Variants in DYRK1A observed in about 807,000 individuals in gnomAD.
The protein encoded by DYRK1A is dual specificity tyrosine phosphorylation regulated kinase 1A.
Under a neutral mutation model 79.7 loss-of-function variants are expected in DYRK1A, and 9 were observed. The observed-to-expected ratio is 0.11, with a 90% CI of 0.07 to 0.20. DYRK1A has a LOEUF of 0.20. DYRK1A is among the 10% of genes least tolerant of loss of function. DYRK1A has a pLI of 1.00. For synonymous variants in DYRK1A, 349 were observed against 329.7 expected (o/e 1.06, Z -0.63); for missense variants, 622 against 956.0 (o/e 0.65, Z 4.61).
rs531167247 is a variant in DYRK1A at position 37,493,195 on chromosome 21, T to G, written c.1071+32T>G. 4 of 1,559,232 alleles carry G rather than the reference T, an allele frequency of 2.6e-6. No individual in the cohort carries two copies. In the South Asian group the frequency reaches 4.7e-5, roughly 18 times the overall value. ...GATGTATTGCTTTACAAATTCTGTTTTCATAATTTCTTTTTGTCTTTCATC... is the reference window on the plus strand; with the variant it reads ...GATGTATTGCTTTACAAATTCTGTTGTCATAATTTCTTTTTGTCTTTCATC... On this transcript the variant is annotated intron_variant, in intron 8 of 11. Transcript: ENST00000647188.
intron 2 of DYRK1A, among the ~76,000 whole-genome samples, chr21:37,427,428 T>C (rs1022704637): frequency 2.1e-4 from 32 of 152,254 alleles, no homozygotes; most frequent in African/African-American, 7.7e-4. Flanking sequence ...TGGCCTTTAG[T>C]CACTTTTTAG....
intron 6 of DYRK1A, chr21:37,488,554 C>A (rs2148606942): frequency 1.0e-6 from 1 of 984,164 alleles, no homozygotes; most frequent in East Asian, 1.1e-4. Flanking sequence ...AAGTCTTCAA[C>A]AAAGTCTTGC....
intron 3 of DYRK1A, among the ~76,000 whole-genome samples, chr21:37,473,541 T>G (rs1458197913): frequency 1.3e-5 from 2 of 152,194 alleles, no homozygotes; most frequent in Admixed American, 6.5e-5. Context: ...GCTGTAGTTG[T>G]GTGAAAGTTT....
intron 2 of DYRK1A, among the ~76,000 whole-genome samples, chr21:37,443,143 G>A (rs2051159288): frequency 6.6e-6 from 1 of 152,002 alleles, no homozygotes; most frequent in Admixed American, 6.6e-5. Flanking sequence ...GGTAGGAGAT[G>A]TCTTTTTTTT....
At chr21:37,489,818 TA>T (rs1412089051) in intron 6 of DYRK1A, among the ~76,000 whole-genome samples, 2 of 152,112 alleles carry the variant, frequency 1.3e-5, no homozygotes, top group Non-Finnish European at 2.9e-5. Flanking sequence ...TCTCGGGAAG[TA>T]AAAAGTGCTT....
chr21:37,517,514 C>A lies in DYRK1A; in HGVS notation c.*4983C>A, dbSNP rs2053893305. Reference sequence around the variant, plus strand: ...TTCCATTATATACTCATTCATTAGTCAGTGTACTTGCCCCTGAATTCCATA... The same window carrying A: ...TTCCATTATATACTCATTCATTAGTAAGTGTACTTGCCCCTGAATTCCATA... On this transcript the variant is annotated 3_prime_UTR_variant, in exon 12 of 12. Coordinates refer to ENST00000647188, the MANE Select transcript of DYRK1A (RefSeq NM_001347721.2). The A allele has an allele frequency of 6.6e-6, 1 of 152,194 alleles. No individual in the cohort carries two copies. The highest frequency in any genetic ancestry group is 2.1e-4 in the South Asian group (1 of 4,820). The allele number at this position is 152,194 out of a possible 1,614,324, so 9.4% of individuals were successfully genotyped here.
At chr21:37,439,632 C>T (rs996242128) in intron 2 of DYRK1A, among the ~76,000 whole-genome samples, 4 of 152,108 alleles carry the variant, frequency 2.6e-5, no homozygotes, top group Admixed American at 6.6e-5. Flanking sequence ...GAGTCTAATG[C>T]CTGATGATCT....
chr21:37,402,725 CT>C (rs200457705), intron 1 of DYRK1A, among the ~76,000 whole-genome samples: 5,411 of 151,616 alleles, frequency 0.036, 146 homozygotes, highest in Middle Eastern at 0.054. Context: ...TCTTTTTTCT[CT>C]CTCTTCTTTA....
At chr21:37,423,495 C>G (rs552271848) in intron 2 of DYRK1A, among the ~76,000 whole-genome samples, 19 of 152,078 alleles carry the variant, frequency 1.2e-4, no homozygotes, top group Non-Finnish European at 2.5e-4. Context: ...TCAGAGATTA[C>G]CATGTATATG....
At chr21:37,427,869 G>A (rs1451951668) in intron 2 of DYRK1A, among the ~76,000 whole-genome samples, 1 of 151,756 alleles carries the variant, frequency 6.6e-6, no homozygotes, top group Non-Finnish European at 1.5e-5. Flanking sequence ...GTTTTTTGGG[G>A]GGTTTGTTAC....
intron 1 of DYRK1A, among the ~76,000 whole-genome samples, chr21:37,379,562 A>C (rs2835708): frequency 0.19 from 28,563 of 152,184 alleles, 2,952 homozygotes; most frequent in South Asian, 0.37. Flanking sequence ...ATTGTAGTTC[A>C]GACCTTACAT....
chr21:37,374,711 C>G (rs1375782472), intron 1 of DYRK1A, among the ~76,000 whole-genome samples: 1 of 152,076 alleles, frequency 6.6e-6, no homozygotes, highest in African/African-American at 2.4e-5. Context: ...TGTCACCACG[C>G]CTGGCTAATT....
intron 3 of DYRK1A, 61 bp from the exon 4 acceptor site, chr21:37,478,147 T>C (rs201425594): frequency 1.6e-5 from 25 of 1,605,386 alleles, no homozygotes; most frequent in Non-Finnish European, 2.0e-5. Context: ...TTATATCTTA[T>C]AGTTAAAGTG....
chr21:37,365,852 G>A (rs753259335), upstream of DYRK1A: 4 of 152,482 alleles, frequency 2.6e-5, no homozygotes, highest in East Asian at 1.9e-4. Flanking sequence ...GAGGTTGGAA[G>A]CAGATGGGCA....
chr21:37,406,721 TTATATC>T (rs1347620984), intron 1 of DYRK1A, among the ~76,000 whole-genome samples: 4 of 129,570 alleles, frequency 3.1e-5, no homozygotes, highest in South Asian at 2.4e-4. Flanking sequence ...AAAAAAAAAA[TTATATC>T]TATGTATATC....
At chr21:37,466,038 C>G (rs2148539368) in intron 2 of DYRK1A, among the ~76,000 whole-genome samples, 1 of 152,280 alleles carries the variant, frequency 6.6e-6, no homozygotes, top group African/African-American at 2.4e-5. Flanking sequence ...ATAATTCACT[C>G]AATCTAGATT....
chr21:37,373,354 G>A (rs1368907600), intron 1 of DYRK1A, among the ~76,000 whole-genome samples: 2 of 152,206 alleles, frequency 1.3e-5, no homozygotes, highest in Non-Finnish European at 2.9e-5. Context: ...TGACTTAAGA[G>A]TATAGAATTT....
chr21:37,404,564 C>G (rs535373410), intron 1 of DYRK1A, among the ~76,000 whole-genome samples: 1 of 152,250 alleles, frequency 6.6e-6, no homozygotes, highest in African/African-American at 2.4e-5. Context: ...TAAGCTTTAC[C>G]AAGCTTTACC....
intron 6 of DYRK1A, chr21:37,487,857 A>G (rs1009310074): frequency 2.0e-5 from 3 of 152,190 alleles, no homozygotes; most frequent in Non-Finnish European, 4.4e-5. Context: ...CTTGTCACAC[A>G]CAATGAAACT....
Sources: gnomAD v4.1 joint callset for allele counts (sites outside exome capture counted in the v4.1 genomes callset) on GRCh38, gnomAD v4.1.1 for gene constraint, MANE v1.5 for transcripts, NCBI Gene and HGNC (gene_info 2026-07-23, HGNC 2026-07-21) for gene names.